GHR: variants seen among roughly 807,000 people sequenced by gnomAD.
The protein encoded by GHR is growth hormone receptor.
Under a neutral mutation model 67.1 loss-of-function variants are expected in GHR, and 35 were observed. The observed-to-expected ratio is 0.52, with a 90% CI of 0.40 to 0.69. The LOEUF is 0.69. Ranked by LOEUF, GHR falls within the 30% of genes least tolerant of loss-of-function variation. GHR has a pLI of 0.00. For missense variants in GHR, 792 were observed against 764.6 expected (o/e 1.04, Z -0.42); for synonymous variants, 272 against 269.1 (o/e 1.01, Z -0.10).
chr5:42,713,366 G>A, intron 7 of GHR, 63 bp from the exon 8 acceptor site: 1 of 776,906 alleles, frequency 1.3e-6, no homozygotes, highest in Non-Finnish European at 2.3e-6. Flanking sequence ...AAGGGAAAGG[G>A]AAATGTAAAC....
At chr5:42,468,578 G>T (rs754081254) in intron 1 of GHR, 211 of 974,058 alleles carry the variant, frequency 2.2e-4, no homozygotes, top group Middle Eastern at 1.7e-3. Context: ...CACCATGGAC[G>T]GCTGCGTCTC....
chr5:42,667,944 G>A (rs1756075385), intron 3 of GHR, among the ~76,000 whole-genome samples: 2 of 152,102 alleles, frequency 1.3e-5, no homozygotes, highest in African/African-American at 4.8e-5. Flanking sequence ...ATATTCTGAA[G>A]CAATTATTAT....
chr5:42,712,305 G>A (rs1758500839), intron 7 of GHR, among the ~76,000 whole-genome samples: 1 of 151,978 alleles, frequency 6.6e-6, no homozygotes. Context: ...CAAACTATTT[G>A]ATATTATGCA....
intron 3 of GHR, among the ~76,000 whole-genome samples, chr5:42,660,079 T>C (rs1242796707): frequency 2.0e-5 from 3 of 152,132 alleles, no homozygotes; most frequent in South Asian, 2.1e-4. Flanking sequence ...ATTGCCCAGG[T>C]TTGCTTAGGT....
chr5:42,664,627 A>G (rs1334954345), intron 3 of GHR, among the ~76,000 whole-genome samples: 2 of 152,228 alleles, frequency 1.3e-5, no homozygotes, highest in African/African-American at 4.8e-5. Context: ...GTTAGACCTA[A>G]AACCATAAAA....
chr5:42,692,492 G>C (rs1381383305), intron 4 of GHR, among the ~76,000 whole-genome samples: 1 of 151,982 alleles, frequency 6.6e-6, no homozygotes, highest in Admixed American at 6.6e-5. Flanking sequence ...AGCTAATTTG[G>C]GTTCTTGTCT....
chr5:42,706,502 C>G (rs1758181999), intron 6 of GHR, among the ~76,000 whole-genome samples: 1 of 152,026 alleles, frequency 6.6e-6, no homozygotes, highest in Non-Finnish European at 1.5e-5. Context: ...AGGTTTTCTT[C>G]TAGGGTTTTT....
intron 3 of GHR, among the ~76,000 whole-genome samples, chr5:42,679,210 A>G (rs1220432224): frequency 6.8e-6 from 1 of 146,420 alleles, no homozygotes; most frequent in African/African-American, 2.5e-5. Context: ...ACATACTATT[A>G]TTAATATTTT....
intron 1 of GHR, among the ~76,000 whole-genome samples, chr5:42,474,679 C>T (rs556746885): frequency 3.6e-4 from 55 of 152,044 alleles, no homozygotes; most frequent in African/African-American, 1.1e-3. Context: ...ACTAAGAACA[C>T]GAAGAGGAAC....
At chr5:42,513,370 T>C (rs901373775) in intron 1 of GHR, among the ~76,000 whole-genome samples, 1 of 152,232 alleles carries the variant, frequency 6.6e-6, no homozygotes, top group African/African-American at 2.4e-5. Flanking sequence ...CTCTCCCATA[T>C]AGAGGCCGGT....
chr5:42,688,828 C>A, intron 3 of GHR, 62 bp from the exon 4 acceptor site: 1 of 1,475,930 alleles, frequency 6.8e-7, no homozygotes, highest in Non-Finnish European at 9.5e-7. Context: ...AGATACGTGT[C>A]TCATTAGGAT....
chr5:42,522,233 C>T lies in GHR; in HGVS notation c.-11-43631C>T, dbSNP rs550061690. Reference sequence around the variant, plus strand: ...ATAAAGGGTGGTATATGTTGCCTGCCGAATTTCTGTACAAGAAAAAAATCA... The same window carrying T: ...ATAAAGGGTGGTATATGTTGCCTGCTGAATTTCTGTACAAGAAAAAAATCA... On this transcript the variant is annotated intron_variant, in intron 1 of 9. Transcript: ENST00000230882. 1.7e-4 allele frequency among the ~76,000 whole-genome samples: 26 copies of T among 152,062 alleles called. No individual in the cohort carries two copies. The South Asian group carries it at 5.2e-3, about 30-fold the overall frequency.
In GHR at chr5:42,565,853, T is replaced by C. The variant is rs1357800245; in HGVS notation, c.-11-11T>C. 6.2e-7 allele frequency: 1 copy of C among 1,613,912 alleles called. No individual in the cohort carries two copies. The highest frequency in any genetic ancestry group is 1.3e-5 in the African/African-American group (1 of 74,934). On this transcript the variant is annotated splice_polypyrimidine_tract_variant and intron_variant, in intron 1 of 9. Coordinates refer to ENST00000230882, the MANE Select transcript of GHR (RefSeq NM_000163.5). Reference sequence around the variant, plus strand: ...TTGCTGGGCTTTACCTTACCCTTTTTGTGATTGCAGGTCCTACAGGTATGG... The same window carrying C: ...TTGCTGGGCTTTACCTTACCCTTTTCGTGATTGCAGGTCCTACAGGTATGG...
At chr5:42,536,007 T>G (rs1579894071) in intron 1 of GHR, among the ~76,000 whole-genome samples, 1 of 152,310 alleles carries the variant, frequency 6.6e-6, no homozygotes, top group East Asian at 1.9e-4. Flanking sequence ...TTGTGTACAT[T>G]AATCTTGTAT....
At chr5:42,584,821 A>C (rs1420718671) in intron 2 of GHR, among the ~76,000 whole-genome samples, 1 of 152,002 alleles carries the variant, frequency 6.6e-6, no homozygotes, top group Non-Finnish European at 1.5e-5. Flanking sequence ...ACACACGTGC[A>C]TGTACAGAAC....
intron 3 of GHR, among the ~76,000 whole-genome samples, chr5:42,653,330 T>C (rs1755099271): frequency 1.3e-5 from 2 of 152,208 alleles, no homozygotes; most frequent in African/African-American, 4.8e-5. Flanking sequence ...AACGTATTAG[T>C]TTTCTAGAAT....
intron 3 of GHR, among the ~76,000 whole-genome samples, chr5:42,667,612 G>T (rs991986688): frequency 6.6e-6 from 1 of 152,144 alleles, no homozygotes; most frequent in Non-Finnish European, 1.5e-5. Flanking sequence ...ACAATGTGCA[G>T]CCAGAGTTGA....
chr5:42,476,129 T>C (rs977905317), intron 1 of GHR, among the ~76,000 whole-genome samples: 2 of 151,868 alleles, frequency 1.3e-5, no homozygotes, highest in Non-Finnish European at 2.9e-5. Context: ...TGGTCTGATC[T>C]CCTGACCTCG....
intron 1 of GHR, among the ~76,000 whole-genome samples, chr5:42,524,025 G>C (rs944656356): frequency 2.6e-5 from 4 of 152,154 alleles, no homozygotes; most frequent in African/African-American, 9.7e-5. Flanking sequence ...TTTGTTCCCA[G>C]TTTCTGGTAC....
Sources: allele counts gnomAD v4.1 joint callset (sites outside exome capture counted in the v4.1 genomes callset), GRCh38; gene constraint gnomAD v4.1.1; transcripts MANE v1.5; gene names NCBI Gene and HGNC (gene_info 2026-07-23, HGNC 2026-07-21).